CTNNA3: variants seen among roughly 807,000 people sequenced by gnomAD.
CTNNA3 encodes the protein catenin alpha-3.
Under a neutral mutation model 95.7 loss-of-function variants are expected in CTNNA3, and 76 were observed. The observed-to-expected ratio is 0.79, with a 90% CI of 0.66 to 0.96. The LOEUF is 0.96. Among genes scored for constraint, CTNNA3 ranks in the 40% least tolerant of loss-of-function variants. CTNNA3 has a pLI of 0.00. For missense variants in CTNNA3, 1,191 were observed against 1,089.8 expected, an observed-to-expected ratio of 1.09 and a Z score of -1.31; for synonymous variants, 431 against 374.4, an observed-to-expected ratio of 1.15 and a Z score of -1.74.
At chr10:66,093,547 C>T (rs1052313531) in intron 14 of CTNNA3, among the ~76,000 whole-genome samples, 3 of 151,948 alleles carry the variant, frequency 2.0e-5, no homozygotes, top group Non-Finnish European at 4.4e-5. Flanking sequence ...AAAATCCTAA[C>T]TCTCTGTCAG....
At chr10:66,877,608 A>G (rs774319263) in intron 7 of CTNNA3, among the ~76,000 whole-genome samples, 2 of 152,154 alleles carry the variant, frequency 1.3e-5, no homozygotes, top group Non-Finnish European at 2.9e-5. Context: ...CATTGCTCCT[A>G]GGGAAGCAAT....
At chr10:67,506,138 T>C (rs907950182) in intron 5 of CTNNA3, among the ~76,000 whole-genome samples, 4 of 152,232 alleles carry the variant, frequency 2.6e-5, no homozygotes, top group African/African-American at 9.6e-5. Context: ...TAAAATTTAA[T>C]GTTGACTCTG....
intron 6 of CTNNA3, among the ~76,000 whole-genome samples, chr10:67,216,497 A>T (rs1864367397): frequency 6.6e-6 from 1 of 152,216 alleles, no homozygotes; most frequent in South Asian, 2.1e-4. Context: ...CTGCAAAATC[A>T]CAAAATGGCA....
chr10:66,372,163 C>A (rs771478798), intron 12 of CTNNA3, among the ~76,000 whole-genome samples: 1 of 152,114 alleles, frequency 6.6e-6, no homozygotes, highest in Non-Finnish European at 1.5e-5. Context: ...CTAATTTAGC[C>A]ATTCTTAATT....
chr10:67,057,618 A>C (rs1221277903), intron 7 of CTNNA3, among the ~76,000 whole-genome samples: 4 of 152,144 alleles, frequency 2.6e-5, no homozygotes, highest in Non-Finnish European at 5.9e-5. Context: ...AAGACTGAGA[A>C]TACTGACCCA....
At position 67,301,986 on chromosome 10, in the gene CTNNA3, A is replaced by AGAAAGAACGAAAGAAC. The variant is rs1377628891; in HGVS notation, c.580-82132_580-82117dup. On this transcript the variant is annotated intron_variant, in intron 5 of 17. Coordinates refer to ENST00000433211, the MANE Select transcript of CTNNA3 (RefSeq NM_013266.4). ...TCGTCAAGAAAGAAAAAAGAAAGAA[A>AGAAAGAACGAAAGAAC]GAAAGAACGAAAGAACGAAAGAAAG... Among the ~76,000 whole-genome samples the AGAAAGAACGAAAGAAC allele has an allele frequency of 3.8e-4, 33 of 86,940 alleles. 7 individuals carry two copies. Among genetic ancestry groups the AGAAAGAACGAAAGAAC allele is most frequent in the African/African-American group, 1.8e-3 (19 of 10,360 alleles). 57.0% of individuals were successfully genotyped at this position (86,940 alleles called of 152,430 possible).
chr10:67,505,594 G>T (rs1450447666), intron 5 of CTNNA3, among the ~76,000 whole-genome samples: 1 of 152,096 alleles, frequency 6.6e-6, no homozygotes, highest in Non-Finnish European at 1.5e-5. Context: ...AACAAAATAT[G>T]TAACTTAAAC....
intron 5 of CTNNA3, among the ~76,000 whole-genome samples, chr10:67,447,993 T>C (rs905234575): frequency 6.6e-6 from 1 of 152,234 alleles, no homozygotes; most frequent in Non-Finnish European, 1.5e-5. Context: ...AGTGCAACTC[T>C]GTATAGCTAG....
chr10:66,578,120 G>T (rs1189192516), intron 10 of CTNNA3, among the ~76,000 whole-genome samples: 1 of 151,782 alleles, frequency 6.6e-6, no homozygotes, highest in Non-Finnish European at 1.5e-5. Context: ...ATTTCGTTCT[G>T]AGCTTGGACA....
intron 9 of CTNNA3, among the ~76,000 whole-genome samples, chr10:66,665,241 G>A (rs1398255551): frequency 2.0e-5 from 3 of 152,014 alleles, no homozygotes; most frequent in African/African-American, 7.2e-5. Flanking sequence ...GCTCAGAGGA[G>A]AAAAACATGA....
intron 10 of CTNNA3, among the ~76,000 whole-genome samples, chr10:66,553,517 CTTTTTTTTTTTTT>C (rs753973882): frequency 1.9e-5 from 1 of 52,214 alleles, no homozygotes; most frequent in Non-Finnish European, 3.1e-5. Context: ...CAATACTTTT[CTTTTTTTTTTTTT>C]TTTTTTTTTT....
At chr10:66,139,654 G>A (rs969500686) in intron 13 of CTNNA3, among the ~76,000 whole-genome samples, 1 of 152,028 alleles carries the variant, frequency 6.6e-6, no homozygotes, top group Non-Finnish European at 1.5e-5. Context: ...TTCAAATTAT[G>A]ACATTTCTCA....
chr10:67,515,175 A>T (rs1839773301), intron 5 of CTNNA3, among the ~76,000 whole-genome samples: 1 of 152,234 alleles, frequency 6.6e-6, no homozygotes, highest in African/African-American at 2.4e-5. Context: ...TACATTAAAA[A>T]ATCCATAAGA....
chr10:67,017,572 T>A (rs1016243809), intron 7 of CTNNA3, among the ~76,000 whole-genome samples: 1 of 152,174 alleles, frequency 6.6e-6, no homozygotes, highest in Non-Finnish European at 1.5e-5. Context: ...TGATTCACCC[T>A]CTTGCAGTAA....
intron 5 of CTNNA3, among the ~76,000 whole-genome samples, chr10:67,232,031 C>A (rs1407293773): frequency 6.6e-6 from 1 of 152,108 alleles, no homozygotes; most frequent in Non-Finnish European, 1.5e-5. Flanking sequence ...AAATCTACGT[C>A]TGATTGGTGT....
At chr10:67,104,164 T>C (rs1858496998) in intron 7 of CTNNA3, among the ~76,000 whole-genome samples, 2 of 151,778 alleles carry the variant, frequency 1.3e-5, no homozygotes, top group Admixed American at 6.6e-5. Context: ...TACCAAAAAC[T>C]ATATGGATGA....
intron 1 of CTNNA3, among the ~76,000 whole-genome samples, chr10:67,709,007 A>T (rs948538150): frequency 6.6e-6 from 1 of 151,738 alleles, no homozygotes; most frequent in Non-Finnish European, 1.5e-5. Context: ...CACATAAATT[A>T]TATATTTGCA....
chr10:66,362,515 G>A (rs1010781566), intron 12 of CTNNA3, among the ~76,000 whole-genome samples: 13 of 151,832 alleles, frequency 8.6e-5, no homozygotes, highest in East Asian at 2.0e-4. Context: ...GTTTGAGACT[G>A]GCCTGGCCAA....
intron 7 of CTNNA3, among the ~76,000 whole-genome samples, chr10:66,852,222 T>C (rs932299880): frequency 1.3e-5 from 2 of 152,188 alleles, no homozygotes; most frequent in Non-Finnish European, 2.9e-5. Context: ...TACTATTTCT[T>C]GATATCATAT....
Sources: gnomAD v4.1 joint callset for allele counts (sites outside exome capture counted in the v4.1 genomes callset) on GRCh38, gnomAD v4.1.1 for gene constraint, MANE v1.5 for transcripts, NCBI Gene and HGNC (gene_info 2026-07-23, HGNC 2026-07-21) for gene names.